The following RBFOX1 variants were observed in gnomAD, a reference collection of about 807,000 sequenced individuals.
RBFOX1 encodes RNA binding fox-1 homolog 1.
In RBFOX1, 8 loss-of-function variants were observed where a neutral mutation model predicts 57.7. That is an observed-to-expected ratio of 0.14 (90% CI 0.08 to 0.25). The LOEUF is 0.25. RBFOX1 is among the 10% of genes least tolerant of loss of function. The pLI is 1.00. For missense variants in RBFOX1, 611 were observed against 548.5 expected (o/e 1.11, Z -1.14); for synonymous variants, 326 against 222.4 (o/e 1.47, Z -4.15).
At chr16:7,540,730 A>G (rs1186956635) in intron 5 of RBFOX1, among the ~76,000 whole-genome samples, 3 of 152,196 alleles carry the variant, frequency 2.0e-5, no homozygotes, top group Non-Finnish European at 4.4e-5. Context: ...ATCAATAATT[A>G]AACACCTATG....
At chr16:6,057,128 G>T (rs1013759702) in intron 1 of RBFOX1, 1 of 152,022 alleles carries the variant, frequency 6.6e-6, no homozygotes, top group African/African-American at 2.4e-5. Context: ...ATCCCTATAA[G>T]CAAAAACATA....
At chr16:5,464,708 A>C (rs1341490914) in intron 1 of RBFOX1, among the ~76,000 whole-genome samples, 2 of 152,214 alleles carry the variant, frequency 1.3e-5, no homozygotes, top group African/African-American at 4.8e-5. Flanking sequence ...GGTGGATGGC[A>C]AGAAGCAAAG....
chr16:5,270,609 G>T (rs1473702834), intron 1 of RBFOX1: 2 of 581,572 alleles, frequency 3.4e-6, no homozygotes, highest in Non-Finnish European at 6.4e-6. Flanking sequence ...ACCAAAAAAC[G>T]CAACAATCAG....
chr16:5,791,667 C>T (rs946221342), intron 3 of RBFOX1, among the ~76,000 whole-genome samples: 5 of 152,308 alleles, frequency 3.3e-5, no homozygotes, highest in African/African-American at 4.8e-5. Flanking sequence ...TGCAAATTCA[C>T]ATCTGGCTAA....
intron 3 of RBFOX1, among the ~76,000 whole-genome samples, chr16:5,633,701 C>T (rs1221017964): frequency 6.6e-6 from 1 of 152,056 alleles, no homozygotes; most frequent in Non-Finnish European, 1.5e-5. Flanking sequence ...TCGTGAAACT[C>T]CGTCTCTTCT....
At chr16:6,988,737 T>TTTG (rs1306476925) in intron 3 of RBFOX1, among the ~76,000 whole-genome samples, 14 of 68,218 alleles carry the variant, frequency 2.1e-4, no homozygotes, top group African/African-American at 1.1e-3. Flanking sequence ...GCTAATTTTT[T>TTTG]TTTTTGTTTG....
intron 4 of RBFOX1, among the ~76,000 whole-genome samples, chr16:7,360,831 C>T (rs1568408321): frequency 6.6e-6 from 1 of 152,206 alleles, no homozygotes; most frequent in Non-Finnish European, 1.5e-5. Flanking sequence ...CTTGTACATT[C>T]CAGCCCTGCC....
At chr16:7,400,172 G>T (rs1395648883) in intron 4 of RBFOX1, among the ~76,000 whole-genome samples, 1 of 152,094 alleles carries the variant, frequency 6.6e-6, no homozygotes, top group Non-Finnish European at 1.5e-5. Flanking sequence ...GAACAATTAT[G>T]CTAGAAGTTC....
chr16:6,165,414 C>T (rs7191238), intron 1 of RBFOX1, among the ~76,000 whole-genome samples: 6,592 of 152,208 alleles, frequency 0.043, 311 homozygotes, highest in African/African-American at 0.12. Flanking sequence ...GTTCATTATA[C>T]TGAAGACAAT....
chr16:6,163,578 C>T (rs1251153605), intron 1 of RBFOX1, among the ~76,000 whole-genome samples: 1 of 152,116 alleles, frequency 6.6e-6, no homozygotes, highest in Non-Finnish European at 1.5e-5. Context: ...GATTTTCATG[C>T]AAATGTTGGG....
intron 1 of RBFOX1, among the ~76,000 whole-genome samples, chr16:6,151,280 A>C (rs1438777063): frequency 1.3e-5 from 2 of 151,980 alleles, no homozygotes; most frequent in African/African-American, 4.8e-5. Flanking sequence ...CTGTTGCATA[A>C]TTAGTTGTTT....
intron 3 of RBFOX1, among the ~76,000 whole-genome samples, chr16:6,819,458 C>G (rs117530427): frequency 4.6e-5 from 7 of 152,038 alleles, no homozygotes; most frequent in African/African-American, 1.7e-4. Context: ...GAGGCCAGTA[C>G]TTAGGGAGGC....
intron 4 of RBFOX1, among the ~76,000 whole-genome samples, chr16:7,404,731 C>A (rs1239062617): frequency 1.3e-5 from 2 of 152,010 alleles, no homozygotes; most frequent in Non-Finnish European, 2.9e-5. Context: ...CAAACAAAAC[C>A]GAATGCACTT....
chr16:7,525,311 A>G (rs952681178), intron 5 of RBFOX1, among the ~76,000 whole-genome samples: 23 of 151,832 alleles, frequency 1.5e-4, no homozygotes, highest in East Asian at 5.8e-4. Context: ...GTGTGTGTGC[A>G]TTTTTATGTA....
At chr16:5,638,783 G>A (rs1055841069) in intron 3 of RBFOX1, among the ~76,000 whole-genome samples, 1 of 152,174 alleles carries the variant, frequency 6.6e-6, no homozygotes, top group Non-Finnish European at 1.5e-5. Flanking sequence ...GACATCTGAG[G>A]AAGGGAAAAG....
intron 1 of RBFOX1, among the ~76,000 whole-genome samples, chr16:6,182,949 A>G (rs928013032): frequency 1.3e-5 from 2 of 152,178 alleles, no homozygotes; most frequent in African/African-American, 4.8e-5. Flanking sequence ...ATACTAATTT[A>G]GTAGTATGGG....
intron 4 of RBFOX1, among the ~76,000 whole-genome samples, chr16:7,304,893 A>G (rs2096135517): frequency 6.7e-6 from 1 of 149,674 alleles, no homozygotes; most frequent in South Asian, 2.1e-4. Context: ...AGTGGAAAGG[A>G]GAAGTGTGTG....
intron 4 of RBFOX1, among the ~76,000 whole-genome samples, chr16:7,168,388 A>T (rs1316695123): frequency 2.0e-5 from 3 of 152,122 alleles, no homozygotes; most frequent in Admixed American, 2.0e-4. Context: ...AATGGGAAAG[A>T]GTGTACCTCA....
At chr16:5,672,335 G>A (rs2050037589) in intron 3 of RBFOX1, among the ~76,000 whole-genome samples, 2 of 152,080 alleles carry the variant, frequency 1.3e-5, no homozygotes, top group Non-Finnish European at 2.9e-5. Context: ...GTGTCAGGAG[G>A]GCTCTTGACT....
Sources: allele counts gnomAD v4.1 joint callset (sites outside exome capture counted in the v4.1 genomes callset), GRCh38; gene constraint gnomAD v4.1.1; transcripts MANE v1.5; gene names NCBI Gene and HGNC (gene_info 2026-07-23, HGNC 2026-07-21).